Variants in ZDHHC21 observed in about 807,000 individuals in gnomAD.
ZDHHC21 encodes palmitoyltransferase ZDHHC21.
ZDHHC21 carries 15 observed loss-of-function variants against 34.6 expected under a neutral mutation model. The ratio of observed to expected loss-of-function variants is 0.43; its 90% CI spans 0.29 to 0.67. The LOEUF is 0.67. Ranked by LOEUF, ZDHHC21 falls within the 30% of genes least tolerant of loss-of-function variation. The pLI is 0.14. For missense variants in ZDHHC21, 344 were observed against 327.7 expected (o/e 1.05, Z -0.38); for synonymous variants, 142 against 101.8 (o/e 1.40, Z -2.38).
chr9:14,597,181 C>CTATA, the ZDHHC21 span, among the ~76,000 whole-genome samples: 1 of 152,122 alleles, frequency 6.6e-6, no homozygotes, highest in East Asian at 1.9e-4. Context: ...ACCCAAGCAA[C>CTATA]TATAGCATGG....
chr9:14,602,882 C>T, the ZDHHC21 span, among the ~76,000 whole-genome samples: 1 of 134,704 alleles, frequency 7.4e-6, no homozygotes, highest in Non-Finnish European at 1.5e-5. Flanking sequence ...TATGATCATG[C>T]CACTGCATTC....
chr9:14,687,847 C>A (rs1353957966), intron 2 of ZDHHC21, among the ~76,000 whole-genome samples: 1 of 150,818 alleles, frequency 6.6e-6, no homozygotes, highest in African/African-American at 2.5e-5. Context: ...TCAAACATAC[C>A]AATTTTTTTT....
the ZDHHC21 span, among the ~76,000 whole-genome samples, chr9:14,591,568 A>G: frequency 6.6e-6 from 1 of 152,182 alleles, no homozygotes; most frequent in Non-Finnish European, 1.5e-5. Flanking sequence ...AAGATGACAG[A>G]CTTAAACACA....
chr9:14,673,030 C>A (rs959353644), intron 4 of ZDHHC21, 102 bp from the exon 5 acceptor site: 3 of 673,794 alleles, frequency 4.5e-6, no homozygotes, highest in Non-Finnish European at 6.8e-6. Context: ...CAAACACCAT[C>A]AGGAGAAAAA....
At chr9:14,639,272 T>C (rs1587012938) in intron 8 of ZDHHC21, among the ~76,000 whole-genome samples, 1 of 152,002 alleles carries the variant, frequency 6.6e-6, no homozygotes, top group Non-Finnish European at 1.5e-5. Flanking sequence ...AAGACAAATA[T>C]CATATTTTCT....
At chr9:14,661,411 G>A (rs1833372100) in intron 6 of ZDHHC21, among the ~76,000 whole-genome samples, 2 of 152,186 alleles carry the variant, frequency 1.3e-5, no homozygotes, top group South Asian at 4.1e-4. Flanking sequence ...ATATATGCAT[G>A]TATGTGTATA....
chr9:14,636,130 TAAAC>T lies in ZDHHC21; in HGVS notation c.621+3762_621+3765del, dbSNP rs377362512. Among the ~76,000 whole-genome samples the T allele has an allele frequency of 6.6e-5, 10 of 152,050 alleles. No individual in the cohort carries two copies. The East Asian group carries it at 7.7e-4, about 12-fold the overall frequency. On this transcript the variant is annotated intron_variant, in intron 8 of 9. Transcript: ENST00000380916. ...ATATAGACTTTCTGAATGGACTAAA[TAAAC>T]AAACAAACATGACACAACAATATGC...
At chr9:14,657,132 C>T (rs1587199901) in intron 7 of ZDHHC21, among the ~76,000 whole-genome samples, 1 of 151,948 alleles carries the variant, frequency 6.6e-6, no homozygotes, top group South Asian at 2.1e-4. Context: ...TAATTTCAAA[C>T]GTCTTAATAC....
At chr9:14,626,622 C>A (rs1826267236) in intron 8 of ZDHHC21, among the ~76,000 whole-genome samples, 1 of 151,742 alleles carries the variant, frequency 6.6e-6, no homozygotes. Flanking sequence ...TTCCACACAC[C>A]ATAATTATCA....
intron 7 of ZDHHC21, 97 bp downstream of exon 7, chr9:14,658,652 T>C (rs976212494): frequency 2.6e-5 from 26 of 984,064 alleles, no homozygotes; most frequent in Middle Eastern, 3.5e-4. Context: ...TTTGTATTTT[T>C]AGTAGAGACG....
chr9:14,689,929 C>G (rs139923320), intron 2 of ZDHHC21, among the ~76,000 whole-genome samples: 1 of 151,920 alleles, frequency 6.6e-6, no homozygotes, highest in African/African-American at 2.4e-5. Flanking sequence ...TGGGGTGATA[C>G]GAATTAAAGA....
chr9:14,623,804 A>G (rs752448789), intron 8 of ZDHHC21, among the ~76,000 whole-genome samples: 1 of 152,130 alleles, frequency 6.6e-6, no homozygotes, highest in Non-Finnish European at 1.5e-5. Flanking sequence ...TGTCATCCCA[A>G]TCAGAATTAT....
At position 14,672,878 on chromosome 9, in the gene ZDHHC21, T is replaced by G; in HGVS notation, c.205A>C (p.Ile69Leu). Reference protein sequence around the residue: ...FCLVALVRASITDPGRLPENP... With the variant: ...FCLVALVRASLTDPGRLPENP... ...TCAGGGAGTCTTCCTGGATCAGTTA[T>G]GGAGGCCCTCACTAAGGCAACCAGA... The change falls in exon 5 of 10, where the codon ATA (isoleucine) becomes CTA (leucine). Residue 69 changes from isoleucine to leucine, a missense_variant. Physicochemically the swap from Ile to Leu is conservative, Grantham distance 5. Coordinates refer to ENST00000380916, the MANE Select transcript of ZDHHC21 (RefSeq NM_178566.6). The G allele has an allele frequency of 6.2e-7, 1 of 1,609,032 alleles. No homozygotes were observed. The highest frequency in any genetic ancestry group is 8.5e-7 in the Non-Finnish European group (1 of 1,176,690).
At chr9:14,639,065 A>T (rs1163791222) in intron 8 of ZDHHC21, among the ~76,000 whole-genome samples, 1 of 152,144 alleles carries the variant, frequency 6.6e-6, no homozygotes, top group Non-Finnish European at 1.5e-5. Context: ...TTGCACGTTT[A>T]TCACAGCACT....
chr9:14,605,190 C>T, the ZDHHC21 span, among the ~76,000 whole-genome samples: 9 of 144,070 alleles, frequency 6.2e-5, no homozygotes, highest in East Asian at 1.9e-3. Flanking sequence ...ATATCTCTTC[C>T]AGATCCTGGT....
chr9:14,607,575 G>T (rs140580490), downstream of ZDHHC21, among the ~76,000 whole-genome samples: 1 of 151,336 alleles, frequency 6.6e-6, no homozygotes, highest in African/African-American at 2.4e-5. Context: ...TTTTGGTAAC[G>T]GCAATTTTTT....
At chr9:14,682,549 A>G (rs1418668209) in intron 2 of ZDHHC21, among the ~76,000 whole-genome samples, 1 of 152,202 alleles carries the variant, frequency 6.6e-6, no homozygotes, top group Admixed American at 6.5e-5. Context: ...GCAAGTCCTT[A>G]GAGACCTACA....
At chr9:14,604,083 A>G in the ZDHHC21 span, among the ~76,000 whole-genome samples, 1 of 152,210 alleles carries the variant, frequency 6.6e-6, no homozygotes, top group East Asian at 1.9e-4. Flanking sequence ...AATATGTATC[A>G]ATAACAAATA....
At chr9:14,676,654 T>C (rs1014535001) in intron 3 of ZDHHC21, among the ~76,000 whole-genome samples, 2 of 152,012 alleles carry the variant, frequency 1.3e-5, no homozygotes, top group Non-Finnish European at 2.9e-5. Flanking sequence ...TATCTTTTAA[T>C]TTAAAAATCA....
Sources: allele counts gnomAD v4.1 joint callset (sites outside exome capture counted in the v4.1 genomes callset), GRCh38; gene constraint gnomAD v4.1.1; transcripts MANE v1.5; gene names NCBI Gene and HGNC (gene_info 2026-07-23, HGNC 2026-07-21).